PPWD1: variants seen among roughly 807,000 people sequenced by gnomAD.
PPWD1 encodes the protein peptidylprolyl isomerase domain and WD repeat containing 1.
A neutral mutation model predicts 68.8 loss-of-function variants in PPWD1; 43 were observed. The observed-to-expected ratio is 0.62, with a 90% CI of 0.49 to 0.81. The LOEUF (loss-of-function observed/expected upper bound fraction) is 0.81, where lower values mean the gene tolerates loss of function less well. Ranked by LOEUF, PPWD1 falls within the 30% of genes least tolerant of loss-of-function variation. The pLI is 0.00. For missense variants in PPWD1, 672 were observed against 804.8 expected, an observed-to-expected ratio of 0.83 and a Z score of 2.00; for synonymous variants, 232 against 258.7, an observed-to-expected ratio of 0.90 and a Z score of 0.99.
rs759449462 is a variant in PPWD1 at position 65,576,315 on chromosome 5, T to C, written c.970-564T>C. 78 of 984,406 alleles carry C rather than the reference T, an allele frequency of 7.9e-5. 1 individual carries two copies. The highest frequency in any genetic ancestry group is 9.3e-5 in the Non-Finnish European group (77 of 829,122). The allele number at this position is 984,406 out of a possible 1,614,324, so 61.0% of individuals were successfully genotyped here. ...TATTCTGTAGAGAAAGCAGTAGTTC[T>C]ATTAACCAACCGGGTTTTGTTTTAA... On this transcript the variant is annotated intron_variant, in intron 5 of 10. Transcript: ENST00000261308.
rs984802396 is a variant in PPWD1, at chr5:65,583,083, C to T, written c.1396C>T (p.Arg466Ter). Reference sequence around the variant, plus strand: ...AGATACGAAAAGTGCAGATTCTGATCGAGATGTTTTTAATGAGAAACCTTC... The same window carrying T: ...AGATACGAAAAGTGCAGATTCTGATTGAGATGTTTTTAATGAGAAACCTTC... Reference protein sequence around the residue: ...PEDTKSADSDRDVFNEKPSKE... With the variant: ...PEDTKSADSD Residue 466 changes from arginine to a stop codon, truncating the protein, a stop_gained, in exon 8 of 11, where the codon CGA (arginine) becomes TGA (stop). Transcript: ENST00000261308. LOFTEE classifies it high-confidence loss of function. 6.2e-6 allele frequency: 10 copies of T among 1,611,068 alleles called. No homozygotes were observed. The highest frequency in any genetic ancestry group is 8.5e-6 in the Non-Finnish European group (10 of 1,178,894).
rs777099706 is a variant in PPWD1, at chr5:65,571,885, A to G, written c.568A>G (p.Ile190Val). 5 of 1,613,850 alleles carry G rather than the reference A, an allele frequency of 3.1e-6. No homozygotes were observed. The South Asian group carries it at 3.3e-5, about 11-fold the overall frequency. The change falls in exon 5 of 11, where the codon ATT (isoleucine) becomes GTT (valine). Residue 190 changes from isoleucine (I) to valine (V), a missense_variant. Transcript: ENST00000261308. ...CEWIYCPGDA[I>V]SSVAASEKST... Reference sequence around the variant, plus strand: ...GTGGATCTATTGCCCAGGGGATGCAATTTCTTCAGTTGCTGCTTCCGAAAA... The same window carrying G: ...GTGGATCTATTGCCCAGGGGATGCAGTTTCTTCAGTTGCTGCTTCCGAAAA...
intron 8 of PPWD1, 133 bp from the exon 9 acceptor site, chr5:65,584,881 A>T: frequency 2.2e-6 from 3 of 1,369,722 alleles, no homozygotes; most frequent in Non-Finnish European, 2.9e-6. Flanking sequence ...AGATTATGAA[A>T]AAAAAAAACA....
Position 65,586,026 on chromosome 5 carries a change from A to G in PPWD1, c.1642A>G (p.Thr548Ala). ...KGFMIQTGDP[T>A]GTGMGGESIW... ...CTTTATGATTCAGACTGGAGATCCA[A>G]CAGGTACTGGTATGGGAGGAGAAAG... The change falls in exon 10 of 11, where the codon ACA (threonine) becomes GCA (alanine). Residue 548 changes from threonine (T) to alanine (A), a missense_variant. This residue lies in a region of PPWD1 where 484 missense variants were observed against 646.2 expected (regional missense o/e 0.75). Transcript: ENST00000261308. 3.1e-6 allele frequency: 5 copies of G among 1,613,360 alleles called. No individual in the cohort carries two copies. The highest frequency in any genetic ancestry group is 4.2e-6 in the Non-Finnish European group (5 of 1,179,388).
At position 65,572,207 on chromosome 5, in the gene PPWD1, C is replaced by T; in HGVS notation, c.890C>T (p.Thr297Ile). The T allele has an allele frequency of 6.2e-7, 1 of 1,612,980 alleles. No individual in the cohort carries two copies. The highest frequency in any genetic ancestry group is 8.5e-7 in the Non-Finnish European group (1 of 1,178,950). Reference sequence around the variant, plus strand: ...TCACCAGATGGGAAGAAAATAGCTACTATTGGTTCTGATAGAAAAGTTAGA... The same window carrying T: ...TCACCAGATGGGAAGAAAATAGCTATTATTGGTTCTGATAGAAAAGTTAGA... ...CFSPDGKKIA[T>I]IGSDRKVRIF... Residue 297 changes from threonine to isoleucine, a missense_variant, in exon 5 of 11, where the codon ACT (threonine) becomes ATT (isoleucine). By Grantham distance (89) the Thr-to-Ile change is moderately conservative. Coordinates refer to ENST00000261308, the MANE Select transcript of PPWD1 (RefSeq NM_015342.4).
Position 65,573,481 on chromosome 5 carries a change from T to TATAA in PPWD1, c.969+1195_969+1196insATAA, listed in dbSNP as rs1304267719. Among the ~76,000 whole-genome samples, 77 of 93,434 alleles carry TATAA rather than the reference T, an allele frequency of 8.2e-4. 8 individuals carry two copies. Among genetic ancestry groups the TATAA allele is most frequent in the African/African-American group, 2.8e-3 (54 of 19,316 alleles). 61.3% of individuals were successfully genotyped at this position (93,434 alleles called of 152,430 possible). A position where few individuals can be genotyped will look rare whatever the true frequency, so the allele number is the denominator to read the frequency against. On this transcript the variant is annotated intron_variant, in intron 5 of 10. Transcript: ENST00000261308. ...CTAATATATATATATATATATTTTTTTTTTATTAGAGATGGGTTTTTTTTA... is the reference window on the plus strand; with the variant it reads ...CTAATATATATATATATATATTTTTTATAATTTTATTAGAGATGGGTTTTTTTTA...
rs997816419 is a variant in PPWD1, at chr5:65,572,304, T to G, written c.969+18T>G. 1 of 1,564,362 alleles carries G rather than the reference T, an allele frequency of 6.4e-7. No individual in the cohort carries two copies. Among genetic ancestry groups the G allele is most frequent in the African/African-American group, 1.4e-5 (1 of 72,704 alleles). ...CACTAAGCGTAAGTGTAATTTAAAT[T>G]TAACCGTACTTTACTTTTCTAAAAA... is the stretch of plus-strand genomic sequence containing the variant. On this transcript the variant is annotated intron_variant, in intron 5 of 10. Transcript: ENST00000261308.
chr5:65,585,162 C>T (rs1581167196), intron 9 of PPWD1, 67 bp downstream of exon 9: 2 of 1,437,392 alleles, frequency 1.4e-6, no homozygotes, highest in East Asian at 4.6e-5. Flanking sequence ...GATTTAAGCG[C>T]AAGGAATCTT....
chr5:65,571,862 G>T lies in PPWD1; in HGVS notation c.545G>T (p.Trp182Leu). Residue 182 changes from tryptophan to leucine, a missense_variant, in exon 5 of 11, where the codon TGG (tryptophan) becomes TTG (leucine). Around this residue, in one of 2 missense-constraint regions of PPWD1, gnomAD observed 484 missense variants for 646.2 expected, o/e 0.75. Transcript: ENST00000261308. Reference protein sequence around the residue: ...KLGYFPGQCEWIYCPGDAISS... With the variant: ...KLGYFPGQCELIYCPGDAISS... ...AGCTATTTTCCTGGACAGTGTGAGT[G>T]GATCTATTGCCCAGGGGATGCAATT... 1 of 1,613,838 alleles carries T rather than the reference G, an allele frequency of 6.2e-7. No homozygotes were observed. Among genetic ancestry groups the T allele is most frequent in the African/African-American group, 1.3e-5 (1 of 75,012 alleles).
Position 65,563,332 on chromosome 5 carries a change from G to T in PPWD1, c.22G>T (p.Asp8Tyr), listed in dbSNP as rs1026063281. ...CAACATGGCGGCGGAAAGTGGTAGCGATTTTCAGCAGAGACGTAGAAGGCG... is the reference window on the plus strand; with the variant it reads ...CAACATGGCGGCGGAAAGTGGTAGCTATTTTCAGCAGAGACGTAGAAGGCG... MAAESGS[D>Y]FQQRRRRRRD... The change falls in exon 1 of 11, where the codon GAT (aspartate) becomes TAT (tyrosine). Residue 8 changes from aspartate (D) to tyrosine (Y), a missense_variant. Physicochemically the swap from Asp to Tyr is radical, Grantham distance 160. Transcript: ENST00000261308. The T allele has an allele frequency of 6.2e-7, 1 of 1,613,518 alleles. No homozygotes were observed. The highest frequency in any genetic ancestry group is 1.1e-5 in the South Asian group (1 of 91,012).
At chr5:65,571,812 T>G in intron 4 of PPWD1, 27 bp from the exon 5 acceptor site, 1 of 1,598,184 alleles carries the variant, frequency 6.3e-7, no homozygotes, top group Non-Finnish European at 8.5e-7. Flanking sequence ...ACCTTTTTTT[T>G]TCCCTCTCAA....
intron 5 of PPWD1, among the ~76,000 whole-genome samples, chr5:65,574,249 A>G (rs1024568817): frequency 1.3e-5 from 2 of 152,184 alleles, no homozygotes; most frequent in East Asian, 3.8e-4. Context: ...CCTTATGACA[A>G]ATTTTCTTGT....
chr5:65,586,365 C>T (rs1315278680), intron 10 of PPWD1, among the ~76,000 whole-genome samples, 184 bp downstream of exon 10: 1 of 150,384 alleles, frequency 6.6e-6, no homozygotes, highest in Middle Eastern at 3.4e-3. Context: ...ATTGGTAAAA[C>T]AATACTGCCA....
chr5:65,578,878 C>A (rs1245687815), intron 6 of PPWD1, among the ~76,000 whole-genome samples: 1 of 150,862 alleles, frequency 6.6e-6, no homozygotes, highest in Non-Finnish European at 1.5e-5. Flanking sequence ...ATGAGCCGTT[C>A]TCCTAGTCTG....
intron 4 of PPWD1, 171 bp from the exon 5 acceptor site, chr5:65,571,668 A>T: frequency 1.3e-6 from 1 of 751,228 alleles, no homozygotes; most frequent in East Asian, 1.3e-4. Context: ...GAGAAAAAAT[A>T]AGTAACTATT....
At chr5:65,564,674 A>G (rs1752620985) in intron 1 of PPWD1, among the ~76,000 whole-genome samples, 1 of 152,176 alleles carries the variant, frequency 6.6e-6, no homozygotes, top group Non-Finnish European at 1.5e-5. Context: ...GCCCTTTATG[A>G]TGTGATCTCT....
At chr5:65,579,293 C>T in intron 6 of PPWD1, 131 bp from the exon 7 acceptor site, 2 of 1,284,712 alleles carry the variant, frequency 1.6e-6, no homozygotes, top group Non-Finnish European at 2.0e-6. Flanking sequence ...TAGAGAAACA[C>T]TTTTAAAAAT....
chr5:65,576,477 A>G (rs1041294947), intron 5 of PPWD1: 97 of 393,520 alleles, frequency 2.5e-4, no homozygotes, highest in Non-Finnish European at 3.3e-4. Flanking sequence ...CCTAGGTTCA[A>G]GCGATTCTCT....
chr5:65,564,654 G>A (rs976268974), intron 1 of PPWD1, among the ~76,000 whole-genome samples: 1 of 152,012 alleles, frequency 6.6e-6, no homozygotes, highest in Non-Finnish European at 1.5e-5. Context: ...TCCCTCACAT[G>A]GCATATAAAG....
Sources: gnomAD v4.1 joint callset for allele counts (sites outside exome capture counted in the v4.1 genomes callset) on GRCh38, gnomAD v4.1.1 for gene constraint, gnomAD v4.1.1 regional missense constraint, MANE v1.5 for transcripts, NCBI Gene and HGNC (gene_info 2026-07-23, HGNC 2026-07-21) for gene names.